ZMYND8: variants seen among roughly 807,000 people sequenced by gnomAD.
The protein encoded by ZMYND8 is zinc finger MYND-type containing 8.
In ZMYND8, 37 loss-of-function variants were observed where a neutral mutation model predicts 140.8. That is an observed-to-expected ratio of 0.26 (90% CI 0.20 to 0.35). The LOEUF (loss-of-function observed/expected upper bound fraction) is 0.35, where lower values mean the gene tolerates loss of function less well. ZMYND8 is among the 10% of genes least tolerant of loss of function. The pLI, the probability that ZMYND8 is intolerant of heterozygous loss-of-function variation, is 1.00. For synonymous variants in ZMYND8, 592 were observed against 597.1 expected, an observed-to-expected ratio of 0.99 and a Z score of 0.12; for missense variants, 1,068 against 1,570.0, an observed-to-expected ratio of 0.68 and a Z score of 5.40.
At chr20:47,283,221 A>G (rs886788999) in intron 9 of ZMYND8, among the ~76,000 whole-genome samples, 3 of 152,216 alleles carry the variant, frequency 2.0e-5, no homozygotes, top group African/African-American at 4.8e-5. Flanking sequence ...CTCTTAAAAT[A>G]GAACCAACAT....
intron 13 of ZMYND8, among the ~76,000 whole-genome samples, chr20:47,247,265 C>G (rs1171058560): frequency 6.6e-6 from 1 of 152,250 alleles, no homozygotes; most frequent in Admixed American, 6.5e-5. Context: ...GGTCACCAGC[C>G]TGCCAGGCAT....
intron 5 of ZMYND8, among the ~76,000 whole-genome samples, chr20:47,292,359 T>C (rs2077318101): frequency 6.6e-6 from 1 of 151,966 alleles, no homozygotes; most frequent in Admixed American, 6.6e-5. Context: ...ACATATAATT[T>C]AGCCTATGAA....
At chr20:47,222,741 C>T (rs1032902917) in intron 19 of ZMYND8, among the ~76,000 whole-genome samples, 4 of 152,228 alleles carry the variant, frequency 2.6e-5, no homozygotes, top group African/African-American at 9.7e-5. Context: ...ACAAAGAAGA[C>T]ATCTCCCTAA....
At chr20:47,236,613 G>T (rs1348301001) in intron 15 of ZMYND8, 97 bp from the exon 16 acceptor site, 1 of 1,266,268 alleles carries the variant, frequency 7.9e-7, no homozygotes, top group African/African-American at 1.5e-5. Context: ...GACATCCTGA[G>T]AGCTTTTCTA....
rs1310826286 is a variant in ZMYND8 at position 47,298,201 on chromosome 20, A to G, written c.453+528T>C. On this transcript the variant is annotated intron_variant, in intron 4 of 22. Transcript: ENST00000471951. The surrounding 1 kb of genome is among the most constrained non-coding windows in gnomAD (Gnocchi z 5.0). Reference sequence around the variant, plus strand: ...TCTGCTGGAAAAAAAAAAATGATCCATGCCTGTTTTTGTGCACTGTCGAAT... The same window carrying G: ...TCTGCTGGAAAAAAAAAAATGATCCGTGCCTGTTTTTGTGCACTGTCGAAT... The G allele has an allele frequency of 3.3e-6, 3 of 898,660 alleles. No homozygotes were observed. Among genetic ancestry groups the G allele is most frequent in the African/African-American group, 1.8e-5 (1 of 55,348 alleles). The allele number at this position is 898,660 out of a possible 1,614,324, so 55.7% of individuals were successfully genotyped here.
At chr20:47,219,452 G>A (rs1231189195) in intron 21 of ZMYND8, among the ~76,000 whole-genome samples, 1 of 151,656 alleles carries the variant, frequency 6.6e-6, no homozygotes, top group Non-Finnish European at 1.5e-5. Flanking sequence ...CTTGAGCCTG[G>A]GAGGCGGAGG....
chr20:47,260,389 T>G (rs967785103), intron 12 of ZMYND8, among the ~76,000 whole-genome samples: 1 of 152,146 alleles, frequency 6.6e-6, no homozygotes. Context: ...CCGTACTGTC[T>G]CCGACTCCAC....
chr20:47,324,954 G>A (rs1007046589), intron 2 of ZMYND8, among the ~76,000 whole-genome samples: 4 of 152,124 alleles, frequency 2.6e-5, no homozygotes, highest in African/African-American at 9.7e-5. Context: ...GCCCAAGCTG[G>A]AGTACAATGG....
At chr20:47,326,759 TC>T (rs1165055361) in intron 2 of ZMYND8, among the ~76,000 whole-genome samples, 1 of 152,170 alleles carries the variant, frequency 6.6e-6, no homozygotes, top group Non-Finnish European at 1.5e-5. Flanking sequence ...CTTCCCTGCA[TC>T]CCATGGAAAT....
rs765892677 is a variant in ZMYND8, at chr20:47,239,146, A to G, written c.2285-8T>C. 1.0e-5 allele frequency: 15 copies of G among 1,485,296 alleles called. No homozygotes were observed. Among genetic ancestry groups the G allele is most frequent in the Non-Finnish European group, 1.3e-5 (15 of 1,123,106 alleles). 92.0% of individuals were successfully genotyped at this position (1,485,296 alleles called of 1,614,324 possible). On this transcript the variant is annotated splice_polypyrimidine_tract_variant and splice_region_variant and intron_variant, in intron 14 of 22. Transcript: ENST00000471951. ...GTGGAGTTTTACCTACAACTAGCCA[A>G]TGCATGAAGAAAAAACAAACAAAAA...
intron 2 of ZMYND8, among the ~76,000 whole-genome samples, chr20:47,328,712 C>T (rs1477856728): frequency 6.6e-6 from 1 of 152,118 alleles, no homozygotes; most frequent in Non-Finnish European, 1.5e-5. Context: ...AATGCACTGG[C>T]CTCCCAAAGT....
chr20:47,303,438 C>G (rs1241525415), intron 3 of ZMYND8, among the ~76,000 whole-genome samples: 2 of 152,182 alleles, frequency 1.3e-5, no homozygotes, highest in African/African-American at 4.8e-5. Flanking sequence ...GAAGAATCAG[C>G]TGGGCACAGT....
intron 21 of ZMYND8, among the ~76,000 whole-genome samples, chr20:47,219,122 A>G (rs185840437): frequency 7.0e-6 from 1 of 143,196 alleles, no homozygotes; most frequent in Non-Finnish European, 1.5e-5. Flanking sequence ...CAGTGGCACG[A>G]TCTCGACTCA....
At chr20:47,229,522 C>T (rs542554513) in intron 17 of ZMYND8, among the ~76,000 whole-genome samples, 36 of 152,250 alleles carry the variant, frequency 2.4e-4, no homozygotes, top group African/African-American at 8.7e-4. Context: ...GAATTGATCA[C>T]ACAAAGCAGG....
chr20:47,314,608 G>A (rs763156143), intron 2 of ZMYND8, among the ~76,000 whole-genome samples: 13 of 152,202 alleles, frequency 8.5e-5, no homozygotes, highest in Non-Finnish European at 1.8e-4. Context: ...AAGTCCTCCC[G>A]AAGACTGGGA....
At chr20:47,332,979 G>C (rs776160826) in intron 2 of ZMYND8, among the ~76,000 whole-genome samples, 16 of 152,164 alleles carry the variant, frequency 1.1e-4, no homozygotes, top group Non-Finnish European at 1.6e-4. Context: ...AGTCATAAAA[G>C]GAAATGAACT....
chr20:47,280,310 G>A (rs897769843), intron 10 of ZMYND8, among the ~76,000 whole-genome samples: 2 of 152,118 alleles, frequency 1.3e-5, no homozygotes, highest in African/African-American at 4.8e-5. Flanking sequence ...GGTGCTGAGA[G>A]GGGCTTCGAA....
intron 2 of ZMYND8, among the ~76,000 whole-genome samples, chr20:47,322,458 T>C (rs1013814495): frequency 9.3e-5 from 14 of 150,030 alleles, no homozygotes; most frequent in South Asian, 2.1e-4. Context: ...TTTTTTTTTT[T>C]CAGCACAGAA....
chr20:47,331,597 C>T (rs1299838227), intron 2 of ZMYND8, among the ~76,000 whole-genome samples: 1 of 152,074 alleles, frequency 6.6e-6, no homozygotes, highest in Admixed American at 6.6e-5. Flanking sequence ...ACGTGCTAGG[C>T]GAGACAAGGA....
Sources: allele counts gnomAD v4.1 joint callset (sites outside exome capture counted in the v4.1 genomes callset), GRCh38; gene constraint gnomAD v4.1.1; non-coding constraint Gnocchi (gnomAD v3.1); transcripts MANE v1.5; gene names NCBI Gene and HGNC (gene_info 2026-07-23, HGNC 2026-07-21).